B3GNT5: variants seen among roughly 807,000 people sequenced by gnomAD.
B3GNT5 encodes the protein UDP-GlcNAc:betaGal beta-1,3-N-acetylglucosaminyltransferase 5.
A neutral mutation model predicts 25.9 loss-of-function variants in B3GNT5; 11 were observed. The ratio of observed to expected loss-of-function variants is 0.42; its 90% confidence interval spans 0.27 to 0.70. The LOEUF is 0.70. Ranked by LOEUF, B3GNT5 falls within the 30% of genes least tolerant of loss-of-function variation. B3GNT5 has a pLI of 0.23. For synonymous variants in B3GNT5, 166 were observed against 158.6 expected (o/e 1.05, Z -0.35); for missense variants, 385 against 458.4 (o/e 0.84, Z 1.46).
chr3:183,257,827 C>G (rs939437450), intron 1 of B3GNT5, among the ~76,000 whole-genome samples: 6 of 152,066 alleles, frequency 3.9e-5, no homozygotes, highest in African/African-American at 1.5e-4. Flanking sequence ...TCCCTTTACC[C>G]TAACTTCTAG....
In B3GNT5 at chr3:183,272,740, T is replaced by C. The variant is rs1487432944; in HGVS notation, c.*1805T>C. The C allele has an allele frequency of 2.9e-6, 3 of 1,047,134 alleles. No homozygotes were observed. The highest frequency in any genetic ancestry group is 3.5e-6 in the Non-Finnish European group (3 of 861,024). 64.9% of individuals were successfully genotyped at this position (1,047,134 alleles called of 1,614,324 possible). ...CAAGCAACAAGCTTATAATTAATTT[T>C]TATTAGTTGATTGATTAATGATGTA... On this transcript the variant is annotated 3_prime_UTR_variant, in exon 2 of 2. Coordinates refer to ENST00000326505, the MANE Select transcript of B3GNT5 (RefSeq NM_032047.5).
At position 183,267,703 on chromosome 3, in the gene B3GNT5, CCTGTGGTA is replaced by C. The variant is rs1726296811; in HGVS notation, c.-301-1794_-301-1787del. 6.6e-6 allele frequency among the ~76,000 whole-genome samples: 1 copy of C among 152,188 alleles called. No individual in the cohort carries two copies. Among genetic ancestry groups the C allele is most frequent in the African/African-American group, 2.4e-5 (1 of 41,446 alleles). ...CCTTTCCATCCAAGGAAGTGTTTTACCTGTGGTAAGCACGGGGGACAGAATTCTTGAGG... is the reference window on the plus strand; with the variant it reads ...CCTTTCCATCCAAGGAAGTGTTTTACAGCACGGGGGACAGAATTCTTGAGG... On this transcript the variant is annotated intron_variant, in intron 1 of 1. Transcript: ENST00000326505. This position sits in a 1 kb window ranked among gnomAD's most constrained non-coding sequence, Gnocchi z 5.5.
chr3:183,271,613 T>C lies in B3GNT5; in HGVS notation c.*678T>C, dbSNP rs1726788545. 1.8e-5 allele frequency: 3 copies of C among 167,072 alleles called. No individual in the cohort carries two copies. The highest frequency in any genetic ancestry group is 6.5e-5 in the Admixed American group (1 of 15,284). 10.3% of individuals were successfully genotyped at this position (167,072 alleles called of 1,614,324 possible). ...AGTGATTAATGTTGCCCTAATACTT[T>C]ATATGTTTTTAATGGATTTTTTTTT... On this transcript the variant is annotated 3_prime_UTR_variant, in exon 2 of 2. Coordinates refer to ENST00000326505, the MANE Select transcript of B3GNT5 (RefSeq NM_032047.5).
In B3GNT5 at chr3:183,266,624, CT is replaced by C. The variant is rs956476499; in HGVS notation, c.-301-2873del. Among the ~76,000 whole-genome samples the C allele has an allele frequency of 3.3e-5, 5 of 152,242 alleles. No homozygotes were observed. In the South Asian group the frequency reaches 6.2e-4, roughly 19 times the overall value. ...AGAGCAACTGAGAGAAAGTGGGCCC[CT>C]GAATGAAAGTGATTTCGCAAATTTT... On this transcript the variant is annotated intron_variant, in intron 1 of 1. Coordinates refer to ENST00000326505, the MANE Select transcript of B3GNT5 (RefSeq NM_032047.5).
Position 183,270,900 on chromosome 3 carries a change from G to A in B3GNT5, c.1102G>A (p.Val368Met), listed in dbSNP as rs1317207955. The change falls in exon 2 of 2, where the codon GTG (valine) becomes ATG (methionine). Residue 368 changes from valine to methionine, a missense_variant. Transcript: ENST00000326505. This position sits in a 1 kb window ranked among gnomAD's most constrained non-coding sequence, Gnocchi z 4.5. ...AATTCTCCTTTGTAAAATTAGCTAT[G>A]TGGACACATACCCTTGTAGGGCTGC... is the stretch of plus-strand genomic sequence containing the variant. ...KIILLCKISYVDTYPCRAAFI is the reference protein window; with the variant it reads ...KIILLCKISYMDTYPCRAAFI 1 of 1,605,092 alleles carries A rather than the reference G, an allele frequency of 6.2e-7. No homozygotes were observed. Among genetic ancestry groups the A allele is most frequent in the Non-Finnish European group, 8.5e-7 (1 of 1,176,532 alleles).
rs770404604 is a variant in B3GNT5, at chr3:183,270,522, G to A, written c.724G>A (p.Glu242Lys). The A allele has an allele frequency of 1.2e-6, 2 of 1,614,148 alleles. No individual in the cohort carries two copies. The highest frequency in any genetic ancestry group is 2.2e-5 in the South Asian group (2 of 91,080). Residue 242 changes from glutamate (E) to lysine (K), a missense_variant, in exon 2 of 2, where the codon GAA (glutamate) becomes AAA (lysine). Glu to Lys is a moderately conservative substitution (Grantham distance 56, BLOSUM62 1). Coordinates refer to ENST00000326505, the MANE Select transcript of B3GNT5 (RefSeq NM_032047.5). The surrounding 1 kb of genome is among the most constrained non-coding windows in gnomAD (Gnocchi z 4.5). Reference sequence around the variant, plus strand: ...AAGCAGCAAATACTACGTGTCCTATGAAATGTACCAGTGGCCAGCTTACCC... The same window carrying A: ...AAGCAGCAAATACTACGTGTCCTATAAAATGTACCAGTGGCCAGCTTACCC... Reference protein sequence around the residue: ...DKSSKYYVSYEMYQWPAYPDY... With the variant: ...DKSSKYYVSYKMYQWPAYPDY...
chr3:183,267,184 C>T lies in B3GNT5; in HGVS notation c.-301-2314C>T, dbSNP rs1179447059. On this transcript the variant is annotated intron_variant, in intron 1 of 1. Coordinates refer to ENST00000326505, the MANE Select transcript of B3GNT5 (RefSeq NM_032047.5). The surrounding 1 kb of genome is among the most constrained non-coding windows in gnomAD (Gnocchi z 5.5). ...CAAAAGTTTCACAAAATGATTCTTG[C>T]TCTTACTACTCTCAGTACACTCTGT... Among the ~76,000 whole-genome samples the T allele has an allele frequency of 1.3e-5, 2 of 152,104 alleles. No homozygotes were observed. Among genetic ancestry groups the T allele is most frequent in the African/African-American group, 4.8e-5 (2 of 41,392 alleles).
At chr3:183,269,250 A>ATTTTT (rs1726488515) in intron 1 of B3GNT5, among the ~76,000 whole-genome samples, 1 of 74,264 alleles carries the variant, frequency 1.3e-5, no homozygotes, top group African/African-American at 1.4e-4. Flanking sequence ...TTTTTTTTTA[A>ATTTTT]GAGTAGGAGT....
At chr3:183,262,653 G>A (rs980176058) in intron 1 of B3GNT5, among the ~76,000 whole-genome samples, 4 of 151,478 alleles carry the variant, frequency 2.6e-5, no homozygotes, top group African/African-American at 9.7e-5. Context: ...GGGAGGAGGA[G>A]CTGATGGTGT....
chr3:183,265,182 C>G (rs1012333693), intron 1 of B3GNT5: 1 of 152,206 alleles, frequency 6.6e-6, no homozygotes, highest in Non-Finnish European at 1.5e-5. Flanking sequence ...AGCACCGAAT[C>G]AGAGTGAGGT....
intron 1 of B3GNT5, among the ~76,000 whole-genome samples, chr3:183,262,009 TATATGA>T (rs1242442044): frequency 4.1e-5 from 6 of 144,736 alleles, no homozygotes; most frequent in African/African-American, 1.3e-4. Flanking sequence ...TATATATATA[TATATGA>T]ATATTTATTA....
intron 1 of B3GNT5, among the ~76,000 whole-genome samples, chr3:183,261,050 C>T (rs1725534400): frequency 6.6e-6 from 1 of 152,174 alleles, no homozygotes; most frequent in Non-Finnish European, 1.5e-5. Context: ...GCAAAGATAT[C>T]TAATGTTTCA....
In B3GNT5 at chr3:183,270,060, G is replaced by A. The variant is rs764711401; in HGVS notation, c.262G>A (p.Val88Ile). The change falls in exon 2 of 2, where the codon GTC becomes ATC. Residue 88 changes from valine to isoleucine, a missense_variant. Coordinates refer to ENST00000326505, the MANE Select transcript of B3GNT5 (RefSeq NM_032047.5). The surrounding 1 kb of genome is among the most constrained non-coding windows in gnomAD (Gnocchi z 4.5). ...CAAGGAAAAGTGTCAAGCTCAAGACGTCCTCCTTTTACTGTTTGTAAAAAC... is the reference window on the plus strand; with the variant it reads ...CAAGGAAAAGTGTCAAGCTCAAGACATCCTCCTTTTACTGTTTGTAAAAAC... ...NHKEKCQAQD[V>I]LLLLFVKTAP... The A allele has an allele frequency of 1.5e-5, 24 of 1,613,984 alleles. No homozygotes were observed. Among genetic ancestry groups the A allele is most frequent in the Middle Eastern group, 1.6e-4 (1 of 6,084 alleles).
intron 1 of B3GNT5, among the ~76,000 whole-genome samples, chr3:183,259,537 T>C (rs1045351432): frequency 6.6e-6 from 1 of 152,192 alleles, no homozygotes; most frequent in African/African-American, 2.4e-5. Context: ...TTCCCTGCCT[T>C]TACACATGAA....
At chr3:183,265,786 A>G (rs1384773094) in intron 1 of B3GNT5, among the ~76,000 whole-genome samples, 1 of 152,160 alleles carries the variant, frequency 6.6e-6, no homozygotes, top group African/African-American at 2.4e-5. Context: ...CCTTTCCTAA[A>G]TCTTCCCCTT....
rs1726890449 is a variant in B3GNT5 at position 183,272,756 on chromosome 3, T to G, written c.*1821T>G. Reference sequence around the variant, plus strand: ...AATTAATTTTTATTAGTTGATTGATTAATGATGTATTGCCTTTTGCCCATA... The same window carrying G: ...AATTAATTTTTATTAGTTGATTGATGAATGATGTATTGCCTTTTGCCCATA... On this transcript the variant is annotated 3_prime_UTR_variant, in exon 2 of 2. Transcript: ENST00000326505. The G allele has an allele frequency of 1.3e-5, 14 of 1,075,680 alleles. No homozygotes were observed. In the South Asian group the frequency reaches 5.3e-4, roughly 41 times the overall value. 66.6% of individuals were successfully genotyped at this position (1,075,680 alleles called of 1,614,324 possible).
intron 1 of B3GNT5, among the ~76,000 whole-genome samples, chr3:183,266,565 T>C (rs1254597003): frequency 2.0e-5 from 3 of 152,178 alleles, no homozygotes; most frequent in Admixed American, 2.0e-4. Flanking sequence ...CAGAGGATGG[T>C]TGTTATCTGG....
At position 183,272,348 on chromosome 3, in the gene B3GNT5, C is replaced by T; in HGVS notation, c.*1413C>T. The T allele has an allele frequency of 1.0e-6, 1 of 1,000,214 alleles. No homozygotes were observed. The highest frequency in any genetic ancestry group is 4.7e-5 in the South Asian group (1 of 21,292). The allele number at this position is 1,000,214 out of a possible 1,614,324, so 62.0% of individuals were successfully genotyped here. ...ACTTCAGCAAGAGTGACTGAACTCA[C>T]TCTAAGGCCTTTGACTGCAGAGGCA... On this transcript the variant is annotated 3_prime_UTR_variant, in exon 2 of 2. Transcript: ENST00000326505.
In B3GNT5 at chr3:183,270,721, A is replaced by G; in HGVS notation, c.923A>G (p.Lys308Arg). 6.2e-7 allele frequency: 1 copy of G among 1,613,898 alleles called. No individual in the cohort carries two copies. The highest frequency in any genetic ancestry group is 8.5e-7 in the Non-Finnish European group (1 of 1,179,906). The change falls in exon 2 of 2, where the codon AAA (lysine) becomes AGA (arginine). Residue 308 changes from lysine (K) to arginine (R), a missense_variant. Transcript: ENST00000326505. The surrounding 1 kb of genome is among the most constrained non-coding windows in gnomAD (Gnocchi z 4.5). ...CATGTGTTTTTTTCTGGAGAGGGTA[A>G]AACTCCTTATCATCCCTGCATCTAT... ...QDHVFFSGEGKTPYHPCIYEK... is the reference protein window; with the variant it reads ...QDHVFFSGEGRTPYHPCIYEK...
Sources: allele counts gnomAD v4.1 joint callset (sites outside exome capture counted in the v4.1 genomes callset), GRCh38; gene constraint gnomAD v4.1.1; non-coding constraint Gnocchi (gnomAD v3.1); transcripts MANE v1.5; gene names NCBI Gene and HGNC (gene_info 2026-07-23, HGNC 2026-07-21).